The following AFDN variants were observed in gnomAD, a reference collection of about 807,000 sequenced individuals.
AFDN encodes the protein afadin.
AFDN carries 68 observed loss-of-function variants against 216.6 expected under a neutral mutation model. The ratio of observed to expected loss-of-function variants is 0.31; its 90% CI spans 0.26 to 0.38. The LOEUF (loss-of-function observed/expected upper bound fraction) is 0.38. Ranked by LOEUF, AFDN falls within the 10% of genes least tolerant of loss-of-function variation. The pLI is 1.00. For missense variants in AFDN, 2,136 were observed against 2,342.0 expected, an observed-to-expected ratio of 0.91 and a Z score of 1.82; for synonymous variants, 868 against 853.7, an observed-to-expected ratio of 1.02 and a Z score of -0.29.
At chr6:167,871,784 G>A (rs753664284) in intron 3 of AFDN, among the ~76,000 whole-genome samples, 13 of 152,060 alleles carry the variant, frequency 8.5e-5, no homozygotes, top group Non-Finnish European at 1.2e-4. Context: ...ACTACTATAG[G>A]CGATTTGTCT....
intron 18 of AFDN, among the ~76,000 whole-genome samples, 161 bp from the exon 19 acceptor site, chr6:167,915,007 A>G (rs551933692): frequency 1.3e-5 from 2 of 152,380 alleles, no homozygotes; most frequent in East Asian, 3.9e-4. Context: ...TATGTAGTTT[A>G]AGATCATGTC....
chr6:167,834,604 G>A (rs897128841), intron 1 of AFDN, among the ~76,000 whole-genome samples: 2 of 151,724 alleles, frequency 1.3e-5, no homozygotes, highest in African/African-American at 4.8e-5. Flanking sequence ...GAGGCATTGG[G>A]AATAAAACCA....
intron 3 of AFDN, 31 bp downstream of exon 3, chr6:167,870,529 T>C (rs780751137): frequency 7.1e-7 from 1 of 1,406,106 alleles, no homozygotes; most frequent in Non-Finnish European, 1.0e-6. Flanking sequence ...ATGACGGTCT[T>C]GGTCCAGGGC....
At chr6:167,915,043 A>T in intron 18 of AFDN, 125 bp from the exon 19 acceptor site, 1 of 973,852 alleles carries the variant, frequency 1.0e-6, no homozygotes, top group East Asian at 2.4e-5. Context: ...AATGAAGTTG[A>T]TATTTTTAAA....
In AFDN at chr6:167,942,808, G is replaced by T. The variant is rs534664322; in HGVS notation, c.3100-321G>T. 3.3e-5 allele frequency among the ~76,000 whole-genome samples: 5 copies of T among 152,294 alleles called. No individual in the cohort carries two copies. In the East Asian group the frequency reaches 7.7e-4, roughly 24 times the overall value. On this transcript the variant is annotated intron_variant, in intron 23 of 33. Transcript: ENST00000683244. ...GTAAATGGTGAAATGTAAAAATACT[G>T]TACTAGGTTGCTTTTTGTATTAAAA...
chr6:167,852,596 A>G (rs1032596589), intron 1 of AFDN, among the ~76,000 whole-genome samples: 1 of 152,194 alleles, frequency 6.6e-6, no homozygotes, highest in South Asian at 2.1e-4. Context: ...GTTAATGGCT[A>G]CAAAATGGCG....
At chr6:167,947,280 T>C (rs1043102055) in intron 27 of AFDN, among the ~76,000 whole-genome samples, 22 of 152,146 alleles carry the variant, frequency 1.4e-4, no homozygotes, top group East Asian at 5.8e-4. Flanking sequence ...CCTGGGTTCA[T>C]GCCATTCTCC....
At chr6:167,943,823 C>T in intron 25 of AFDN, 118 bp from the exon 26 acceptor site, 3 of 892,422 alleles carry the variant, frequency 3.4e-6, no homozygotes, top group South Asian at 1.6e-5. Flanking sequence ...AGAACCATTA[C>T]TCAAAATAAT....
intron 1 of AFDN, among the ~76,000 whole-genome samples, chr6:167,851,880 A>G (rs569114271): frequency 6.6e-6 from 1 of 152,002 alleles, no homozygotes; most frequent in South Asian, 2.1e-4. Context: ...GCGCATTTTT[A>G]AAAAAAACAG....
intron 5 of AFDN, among the ~76,000 whole-genome samples, chr6:167,876,479 A>G (rs1441273683): frequency 6.6e-6 from 1 of 152,272 alleles, no homozygotes; most frequent in Admixed American, 6.5e-5. Context: ...AAAGAAGAAC[A>G]GTAGTAAAAA....
intron 6 of AFDN, among the ~76,000 whole-genome samples, chr6:167,889,005 A>G (rs1159739664): frequency 6.6e-6 from 1 of 152,224 alleles, no homozygotes; most frequent in African/African-American, 2.4e-5. Context: ...GGTGATTAAA[A>G]GCAGCCAAAT....
chr6:167,924,490 C>T (rs190973007), intron 22 of AFDN, among the ~76,000 whole-genome samples: 14 of 152,286 alleles, frequency 9.2e-5, no homozygotes, highest in Admixed American at 3.3e-4. Flanking sequence ...AGTCCTGCAG[C>T]GGCCCTGGTG....
chr6:167,924,873 C>T, intron 22 of AFDN, 132 bp from the exon 23 acceptor site: 1 of 755,850 alleles, frequency 1.3e-6, no homozygotes, highest in South Asian at 1.4e-5. Flanking sequence ...ATTTTTTTTA[C>T]TGTTTATCTT....
In AFDN at chr6:167,914,583, A is replaced by C. The variant is rs1790807040; in HGVS notation, c.2205-61A>C. On this transcript the variant is annotated intron_variant, in intron 17 of 33. Transcript: ENST00000683244. ...AGTCCAGATTGTTTCCCATGTGATA[A>C]CATGTCTGACAATAGCTGTCTGTCA... 10 of 1,236,414 alleles carry C rather than the reference A, an allele frequency of 8.1e-6. No homozygotes were observed. In the South Asian group the frequency reaches 1.2e-4, roughly 15 times the overall value. The allele number at this position is 1,236,414 out of a possible 1,614,324, so 76.6% of individuals were successfully genotyped here.
intron 23 of AFDN, among the ~76,000 whole-genome samples, chr6:167,933,171 A>G (rs1193980279): frequency 2.6e-5 from 4 of 152,324 alleles, no homozygotes; most frequent in East Asian, 1.9e-4. Context: ...TGTTTTTTCT[A>G]AAAGTGAACA....
Position 167,954,575 on chromosome 6 carries a change from C to T in AFDN, c.4833+2388C>T, listed in dbSNP as rs1487404123. 3.2e-6 allele frequency: 4 copies of T among 1,240,292 alleles called. No homozygotes were observed. The African/African-American group carries it at 6.0e-5, about 19-fold the overall frequency. The allele number at this position is 1,240,292 out of a possible 1,614,324, so 76.8% of individuals were successfully genotyped here. A position where few individuals can be genotyped will look rare whatever the true frequency, so the allele number is the denominator to read the frequency against. On this transcript the variant is annotated intron_variant, in intron 30 of 33. Transcript: ENST00000683244. The stretch of plus-strand genomic sequence containing the variant: ...TTCAGTGGTGGCTGTTTGATGTTTT[C>T]AGTAGATCCAGTTCTCCTTAGGGGT...
In AFDN at chr6:167,897,907, G is replaced by C. The variant is rs182518381; in HGVS notation, c.1318-298G>C. ...GATCCGCCCATCTCGGCCTCCCAAAGTGCTGGGATTACAGGCGTGAGCCAC... is the reference window on the plus strand; with the variant it reads ...GATCCGCCCATCTCGGCCTCCCAAACTGCTGGGATTACAGGCGTGAGCCAC... On this transcript the variant is annotated intron_variant, in intron 10 of 33. Transcript: ENST00000683244. Among the ~76,000 whole-genome samples the C allele has an allele frequency of 2.6e-5, 4 of 152,138 alleles. No individual in the cohort carries two copies. The East Asian group carries it at 7.7e-4, about 29-fold the overall frequency.
intron 10 of AFDN, 133 bp downstream of exon 10, chr6:167,897,105 A>T: frequency 2.2e-6 from 1 of 453,116 alleles, no homozygotes; most frequent in Non-Finnish European, 3.9e-6. Flanking sequence ...TAATTTATCT[A>T]CTCTGGGTCA....
At chr6:167,890,738 C>A (rs937780641) in intron 7 of AFDN, 124 bp from the exon 8 acceptor site, 3 of 840,468 alleles carry the variant, frequency 3.6e-6, no homozygotes, top group South Asian at 3.6e-5. Context: ...CACAGTGATT[C>A]CTTGGCAGAT....
Sources: allele counts gnomAD v4.1 joint callset (sites outside exome capture counted in the v4.1 genomes callset), GRCh38; gene constraint gnomAD v4.1.1; transcripts MANE v1.5; gene names NCBI Gene and HGNC (gene_info 2026-07-23, HGNC 2026-07-21).